ELMOD2: variants seen among roughly 807,000 people sequenced by gnomAD.
The protein encoded by ELMOD2 is ELMO domain-containing protein 2.
A neutral mutation model predicts 41.0 loss-of-function variants in ELMOD2; 28 were observed. The ratio of observed to expected loss-of-function variants is 0.68; its 90% CI spans 0.51 to 0.94. ELMOD2 has a LOEUF of 0.94. Ranked by LOEUF, ELMOD2 falls within the 40% of genes least tolerant of loss-of-function variation. The pLI, the probability that ELMOD2 is intolerant of heterozygous loss-of-function variation, is 0.00. For synonymous variants in ELMOD2, 106 were observed against 107.2 expected (o/e 0.99, Z 0.07); for missense variants, 333 against 343.1 (o/e 0.97, Z 0.23).
intron 3 of ELMOD2, among the ~76,000 whole-genome samples, chr4:140,535,209 T>C (rs935489899): frequency 1.3e-5 from 2 of 148,608 alleles, no homozygotes; most frequent in Non-Finnish European, 2.9e-5. Flanking sequence ...AAGGACTCTA[T>C]TTTTATTTTT....
chr4:140,527,156 T>A (rs1191066433), intron 2 of ELMOD2, among the ~76,000 whole-genome samples: 3 of 152,198 alleles, frequency 2.0e-5, no homozygotes, highest in Non-Finnish European at 4.4e-5. Flanking sequence ...CCTGAGCTAC[T>A]GTGACACAAT....
intron 6 of ELMOD2, 128 bp downstream of exon 6, chr4:140,540,429 G>C (rs1735069804): frequency 1.6e-6 from 2 of 1,249,422 alleles, no homozygotes; most frequent in Non-Finnish European, 2.2e-6. Flanking sequence ...TGCAGTGCTG[G>C]AAGTATTTGC....
intron 3 of ELMOD2, among the ~76,000 whole-genome samples, chr4:140,528,688 A>G (rs1734646941): frequency 6.6e-6 from 1 of 152,138 alleles, no homozygotes; most frequent in African/African-American, 2.4e-5. Flanking sequence ...GAGAGTTGCA[A>G]GCATATCTGT....
chr4:140,529,766 T>C (rs1056849209), intron 3 of ELMOD2, among the ~76,000 whole-genome samples: 1 of 152,232 alleles, frequency 6.6e-6, no homozygotes, highest in African/African-American at 2.4e-5. Context: ...TCCTCAGTTA[T>C]GACATTCTCT....
chr4:140,524,413 C>T (rs978471643), intron 1 of ELMOD2, 133 bp downstream of exon 1: 3 of 195,158 alleles, frequency 1.5e-5, no homozygotes, highest in African/African-American at 7.1e-5. Context: ...TGTGCGAGCC[C>T]TGCCCTCCCA....
intron 8 of ELMOD2, among the ~76,000 whole-genome samples, chr4:140,549,141 C>T (rs1735386054): frequency 6.6e-6 from 1 of 152,084 alleles, no homozygotes; most frequent in South Asian, 2.1e-4. Context: ...TAAGTGGAAT[C>T]ATGCAGTTTT....
At chr4:140,549,601 A>G (rs1735402758) in intron 8 of ELMOD2, among the ~76,000 whole-genome samples, 1 of 147,666 alleles carries the variant, frequency 6.8e-6, no homozygotes, top group Admixed American at 6.8e-5. Flanking sequence ...CTTATCCAAC[A>G]TTTTTTCGTT....
rs558142629 is a variant in ELMOD2, at chr4:140,550,132, T to A, written c.737-98T>A. 1.5e-4 allele frequency: 151 copies of A among 1,023,894 alleles called. No homozygotes were observed. The Middle Eastern group carries it at 3.7e-3, about 25-fold the overall frequency. 63.4% of individuals were successfully genotyped at this position (1,023,894 alleles called of 1,614,324 possible). A position where few individuals can be genotyped will look rare whatever the true frequency, so the allele number is the denominator to read the frequency against. ...TACTTTTGATTATTGTATTCTAATA[T>A]GGAATTTAAAGGATGGTTATATACT... On this transcript the variant is annotated intron_variant, in intron 8 of 8. Coordinates refer to ENST00000323570, the MANE Select transcript of ELMOD2 (RefSeq NM_153702.4).
intron 4 of ELMOD2, 55 bp from the exon 5 acceptor site, chr4:140,537,357 A>G: frequency 1.4e-6 from 2 of 1,390,426 alleles, no homozygotes; most frequent in Non-Finnish European, 1.9e-6. Flanking sequence ...AAGCTATGAA[A>G]GACTTTATTG....
chr4:140,539,254 G>GT (rs1560829772), intron 5 of ELMOD2, among the ~76,000 whole-genome samples: 2 of 151,882 alleles, frequency 1.3e-5, no homozygotes, highest in South Asian at 4.1e-4. Flanking sequence ...GTCAACTTCC[G>GT]TAAGTTTCTT....
chr4:140,546,392 G>A (rs553959210), intron 8 of ELMOD2, among the ~76,000 whole-genome samples: 1 of 151,984 alleles, frequency 6.6e-6, no homozygotes, highest in African/African-American at 2.4e-5. Flanking sequence ...TGTAAATGAC[G>A]AGTTAATGGG....
chr4:140,525,697 G>GA, intron 2 of ELMOD2, 127 bp downstream of exon 2: 1 of 1,039,038 alleles, frequency 9.6e-7, no homozygotes, highest in South Asian at 2.3e-5. Flanking sequence ...CATAAGCTCT[G>GA]AAGTCCCGCT....
At chr4:140,543,225 A>T (rs1735163854) in intron 7 of ELMOD2, among the ~76,000 whole-genome samples, 1 of 151,966 alleles carries the variant, frequency 6.6e-6, no homozygotes, top group African/African-American at 2.4e-5. Context: ...ATATCATGTG[A>T]ACAGAGCTTT....
chr4:140,524,591 A>T (rs955711400), intron 1 of ELMOD2: 1 of 985,324 alleles, frequency 1.0e-6, no homozygotes, highest in East Asian at 1.1e-4. Flanking sequence ...CAGCTGTGCT[A>T]TGCGCTCTTT....
At chr4:140,532,445 G>T (rs192523243) in intron 3 of ELMOD2, among the ~76,000 whole-genome samples, 1 of 152,224 alleles carries the variant, frequency 6.6e-6, no homozygotes, top group East Asian at 1.9e-4. Flanking sequence ...GGGATTACAG[G>T]CATGAGCCAT....
rs965087444 is a variant in ELMOD2, at chr4:140,551,931, G to A, written c.*1556G>A. The A allele has an allele frequency of 6.6e-6, 1 of 151,968 alleles. No individual in the cohort carries two copies. Among genetic ancestry groups the A allele is most frequent in the Non-Finnish European group, 1.5e-5 (1 of 67,916 alleles). 9.4% of individuals were successfully genotyped at this position (151,968 alleles called of 1,614,324 possible). A position where few individuals can be genotyped will look rare whatever the true frequency, so the allele number is the denominator to read the frequency against. On this transcript the variant is annotated 3_prime_UTR_variant, in exon 9 of 9. Transcript: ENST00000323570. Reference sequence around the variant, plus strand: ...AAGATAAAATTATTTTAAAAATTTGGTTCACTTTATTACAATAGTGGCAAT... The same window carrying A: ...AAGATAAAATTATTTTAAAAATTTGATTCACTTTATTACAATAGTGGCAAT...
At chr4:140,541,042 C>T (rs938144027) in intron 6 of ELMOD2, among the ~76,000 whole-genome samples, 1 of 152,202 alleles carries the variant, frequency 6.6e-6, no homozygotes, top group African/African-American at 2.4e-5. Flanking sequence ...AACTTTCTCT[C>T]CTTTATCTTC....
At chr4:140,531,477 C>G (rs549818132) in intron 3 of ELMOD2, among the ~76,000 whole-genome samples, 1 of 152,192 alleles carries the variant, frequency 6.6e-6, no homozygotes, top group Admixed American at 6.5e-5. Flanking sequence ...ACTGTACTTA[C>G]GCATATACAG....
At chr4:140,545,633 T>C (rs893678838) in intron 8 of ELMOD2, among the ~76,000 whole-genome samples, 8 of 152,130 alleles carry the variant, frequency 5.3e-5, no homozygotes, top group South Asian at 2.1e-4. Context: ...TCTACCCAAG[T>C]GTACTGAAGA....
Sources: gnomAD v4.1 joint callset for allele counts (sites outside exome capture counted in the v4.1 genomes callset) on GRCh38, gnomAD v4.1.1 for gene constraint, MANE v1.5 for transcripts, NCBI Gene and HGNC (gene_info 2026-07-23, HGNC 2026-07-21) for gene names.